Variants in NEURL1 observed in about 807,000 individuals in gnomAD.
NEURL1 encodes neuralized E3 ubiquitin protein ligase 1.
Under a neutral mutation model 41.2 loss-of-function variants are expected in NEURL1, and 26 were observed. The observed-to-expected ratio is 0.63, with a 90% CI of 0.46 to 0.87. The LOEUF is 0.87. NEURL1 is among the 40% of genes least tolerant of loss of function. NEURL1 has a pLI of 0.00. For synonymous variants in NEURL1, 400 were observed against 402.3 expected (o/e 0.99, Z 0.07); for missense variants, 761 against 871.1 (o/e 0.87, Z 1.59).
rs1397270257 is a variant in NEURL1 at position 103,584,889 on chromosome 10, G to T, written c.1003G>T (p.Ala335Ser). The T allele has an allele frequency of 6.9e-7, 1 of 1,452,194 alleles. No individual in the cohort carries two copies. Among genetic ancestry groups the T allele is most frequent in the Non-Finnish European group, 9.0e-7 (1 of 1,111,250 alleles). 90.0% of individuals were successfully genotyped at this position (1,452,194 alleles called of 1,614,324 possible). The change falls in exon 4 of 6, where the codon GCC becomes TCC. Residue 335 changes from alanine (A) to serine (S), a missense_variant. This residue lies in a region of NEURL1 where 443 missense variants were observed against 408.1 expected (regional missense o/e 1.09). Coordinates refer to ENST00000369780, the MANE Select transcript of NEURL1 (RefSeq NM_004210.5). ...CTTCACCAGCCGGCCCGTGCGCGTGGCCGAGACCATCTTCGTCAAGGTCAC... is the reference window on the plus strand; with the variant it reads ...CTTCACCAGCCGGCCCGTGCGCGTGTCCGAGACCATCTTCGTCAAGGTCAC... The part of the protein sequence containing the change: ...LVFTSRPVRV[A>S]ETIFVKVTRS...
rs1004720868 is a variant in NEURL1, at chr10:103,584,455, C to G, written c.650-81C>G. ...AGCCATCCGGGATTGTAACGGTGCGCGCGTAGGGACCGGACAGCGGGGCGC... is the reference window on the plus strand; with the variant it reads ...AGCCATCCGGGATTGTAACGGTGCGGGCGTAGGGACCGGACAGCGGGGCGC... On this transcript the variant is annotated intron_variant, in intron 3 of 5. Transcript: ENST00000369780. 55 of 910,914 alleles carry G rather than the reference C, an allele frequency of 6.0e-5. No homozygotes were observed. The African/African-American group carries it at 8.9e-4, about 15-fold the overall frequency. The allele number at this position is 910,914 out of a possible 1,614,324, so 56.4% of individuals were successfully genotyped here.
chr10:103,494,659 C>T, intron 1 of NEURL1, 187 bp downstream of exon 1: 3 of 583,158 alleles, frequency 5.1e-6, no homozygotes, highest in Admixed American at 3.3e-5. Flanking sequence ...GATGGCGTCC[C>T]GCGGGGTCTG....
At chr10:103,549,708 G>C (rs1276667395) in intron 1 of NEURL1, among the ~76,000 whole-genome samples, 2 of 152,176 alleles carry the variant, frequency 1.3e-5, no homozygotes, top group Admixed American at 6.5e-5. Context: ...CCACAGCAGG[G>C]TCACCTCCTC....
At chr10:103,522,001 G>A (rs2034360197) in intron 1 of NEURL1, among the ~76,000 whole-genome samples, 1 of 152,228 alleles carries the variant, frequency 6.6e-6, no homozygotes, top group African/African-American at 2.4e-5. Flanking sequence ...TACAGTCAAA[G>A]GGGGTTTTTC....
chr10:103,519,246 CA>C (rs555058427), intron 1 of NEURL1, among the ~76,000 whole-genome samples: 2 of 149,652 alleles, frequency 1.3e-5, no homozygotes, highest in Non-Finnish European at 3.0e-5. Flanking sequence ...GACTCTGTCT[CA>C]AAAAAAAGAA....
intron 4 of NEURL1, chr10:103,588,576 C>A (rs1303439465): frequency 6.1e-6 from 2 of 328,076 alleles, no homozygotes; most frequent in African/African-American, 4.5e-5. Context: ...GGGCCTGATG[C>A]CTGGTAGGTC....
At chr10:103,534,180 A>ATTTTT (rs35899711) in intron 1 of NEURL1, among the ~76,000 whole-genome samples, 1 of 138,658 alleles carries the variant, frequency 7.2e-6, no homozygotes, top group Non-Finnish European at 1.5e-5. Context: ...GTCTATCTGT[A>ATTTTT]TTTTTTTTTT....
intron 1 of NEURL1, among the ~76,000 whole-genome samples, chr10:103,543,479 T>C (rs1166958288): frequency 6.6e-6 from 1 of 152,200 alleles, no homozygotes; most frequent in Non-Finnish European, 1.5e-5. Flanking sequence ...CACCATCGGC[T>C]CCAGGCTTTC....
chr10:103,584,841 G>A lies in NEURL1; in HGVS notation c.955G>A (p.Gly319Arg), dbSNP rs760162838. The A allele has an allele frequency of 7.1e-7, 1 of 1,408,292 alleles. No individual in the cohort carries two copies. Among genetic ancestry groups the A allele is most frequent in the South Asian group, 1.5e-5 (1 of 66,246 alleles). 87.2% of individuals were successfully genotyped at this position (1,408,292 alleles called of 1,614,324 possible). A position where few individuals can be genotyped will look rare whatever the true frequency, so the allele number is the denominator to read the frequency against. ...GCAGACGGTGGCGCGCGTGGAGCAC[G>A]GGCGCGACGAGCGCGCGCTCGTCTT... is the stretch of plus-strand genomic sequence containing the variant. ...DEQTVARVEH[G>R]RDERALVFTS... The change falls in exon 4 of 6, where the codon GGG becomes AGG. Residue 319 changes from glycine (G) to arginine (R), a missense_variant. Around this residue, in one of 5 missense-constraint regions of NEURL1, gnomAD observed 443 missense variants for 408.1 expected, o/e 1.09. Transcript: ENST00000369780.
At chr10:103,531,783 G>A (rs1264888174) in intron 1 of NEURL1, among the ~76,000 whole-genome samples, 1 of 151,980 alleles carries the variant, frequency 6.6e-6, no homozygotes, top group Non-Finnish European at 1.5e-5. Flanking sequence ...GTCTCCCAAA[G>A]TGCTGGGATT....
At chr10:103,544,681 G>A (rs994925282) in intron 1 of NEURL1, among the ~76,000 whole-genome samples, 1 of 152,232 alleles carries the variant, frequency 6.6e-6, no homozygotes, top group Non-Finnish European at 1.5e-5. Flanking sequence ...AGAACAAAGA[G>A]CTCTCTTCCC....
rs767017480 is a variant in NEURL1, at chr10:103,570,852, C to T, written c.86-20C>T. On this transcript the variant is annotated intron_variant, in intron 1 of 5. Coordinates refer to ENST00000369780, the MANE Select transcript of NEURL1 (RefSeq NM_004210.5). Reference sequence around the variant, plus strand: ...TTGGACCCGCCAAGTTCTCTGACACCGTGGCCTGTTCCTTTGCAGACTCTA... The same window carrying T: ...TTGGACCCGCCAAGTTCTCTGACACTGTGGCCTGTTCCTTTGCAGACTCTA... 121 of 1,605,000 alleles carry T rather than the reference C, an allele frequency of 7.5e-5. No individual in the cohort carries two copies. The highest frequency in any genetic ancestry group is 3.3e-4 in the Middle Eastern group (2 of 6,044).
intron 3 of NEURL1, among the ~76,000 whole-genome samples, chr10:103,581,173 A>G (rs1278412023): frequency 1.3e-5 from 2 of 152,290 alleles, no homozygotes; most frequent in South Asian, 2.1e-4. Context: ...TATTACCCCT[A>G]TTCTCTAGGT....
At chr10:103,554,981 T>C (rs2035113879) in intron 1 of NEURL1, among the ~76,000 whole-genome samples, 1 of 152,128 alleles carries the variant, frequency 6.6e-6, no homozygotes, top group Non-Finnish European at 1.5e-5. Flanking sequence ...TGGGGATGTG[T>C]GTGCGTGTGC....
At chr10:103,554,345 G>C (rs2035098786) in intron 1 of NEURL1, among the ~76,000 whole-genome samples, 1 of 152,230 alleles carries the variant, frequency 6.6e-6, no homozygotes, top group Non-Finnish European at 1.5e-5. Context: ...TACATGTCTG[G>C]TGGTCAGTAG....
At chr10:103,550,878 A>T (rs1200909450) in intron 1 of NEURL1, 1 of 152,230 alleles carries the variant, frequency 6.6e-6, no homozygotes, top group African/African-American at 2.4e-5. Flanking sequence ...TAACTCCTGA[A>T]GGGAAGTTTT....
Position 103,584,654 on chromosome 10 carries a change from C to T in NEURL1, c.768C>T (p.Asn256=), listed in dbSNP as rs2035859477. Residue 256 remains asparagine, a synonymous_variant, in exon 4 of 6, where the codon AAC becomes AAT. Coordinates refer to ENST00000369780, the MANE Select transcript of NEURL1 (RefSeq NM_004210.5). The part of the protein sequence containing the change: ...ARLSVSLCDL[N]VPGADGDEAA... The stretch of plus-strand genomic sequence containing the variant: ...TCTCGGTGAGCCTATGCGACCTCAA[C>T]GTGCCGGGCGCGGACGGCGACGAGG... 1.4e-6 allele frequency: 2 copies of T among 1,425,648 alleles called. No individual in the cohort carries two copies. The highest frequency in any genetic ancestry group is 3.0e-5 in the East Asian group (1 of 33,466). 88.3% of individuals were successfully genotyped at this position (1,425,648 alleles called of 1,614,324 possible).
chr10:103,508,483 G>A lies in NEURL1; in HGVS notation c.85+14011G>A, dbSNP rs527966752. 3.0e-4 allele frequency among the ~76,000 whole-genome samples: 46 copies of A among 152,322 alleles called. No homozygotes were observed. In the South Asian group the frequency reaches 9.3e-3, roughly 31 times the overall value. ...CCCCGAGGGACAAAGGCAGACCTTG[G>A]ACTCAATGGAGTGCCAGCCCTGTCT... is the stretch of plus-strand genomic sequence containing the variant. On this transcript the variant is annotated intron_variant, in intron 1 of 5. Transcript: ENST00000369780. The surrounding 1 kb of genome is among the most constrained non-coding windows in gnomAD (Gnocchi z 4.3).
rs536161170 is a variant in NEURL1 at position 103,522,471 on chromosome 10, C to T, written c.85+27999C>T. ...AATAATACAAAAAAAAAAAATTAGC[C>T]GGGTGTGGTGGCACATGCCTGTAAT... On this transcript the variant is annotated intron_variant, in intron 1 of 5. Coordinates refer to ENST00000369780, the MANE Select transcript of NEURL1 (RefSeq NM_004210.5). Among the ~76,000 whole-genome samples the T allele has an allele frequency of 9.6e-4, 146 of 151,570 alleles. 1 individual carries two copies. The highest frequency in any genetic ancestry group is 3.3e-3 in the Admixed American group (50 of 15,198).
Sources: allele counts gnomAD v4.1 joint callset (sites outside exome capture counted in the v4.1 genomes callset), GRCh38; gene constraint gnomAD v4.1.1; regional missense constraint gnomAD v4.1.1; non-coding constraint Gnocchi (gnomAD v3.1); transcripts MANE v1.5; gene names NCBI Gene and HGNC (gene_info 2026-07-23, HGNC 2026-07-21).